CNTNAP5: variants seen among roughly 807,000 people sequenced by gnomAD.
CNTNAP5 encodes contactin-associated protein-like 5.
CNTNAP5 carries 72 observed loss-of-function variants against 150.2 expected under a neutral mutation model. The observed-to-expected ratio is 0.48, with a 90% CI of 0.40 to 0.58. The LOEUF is 0.58. Ranked by LOEUF, CNTNAP5 falls within the 20% of genes least tolerant of loss-of-function variation. The pLI is 0.00. For missense variants in CNTNAP5, 1,636 were observed against 1,626.2 expected (o/e 1.01, Z -0.10); for synonymous variants, 672 against 619.8 (o/e 1.08, Z -1.25).
chr2:124,546,455 A>G (rs1365009424), intron 10 of CNTNAP5, among the ~76,000 whole-genome samples: 1 of 152,040 alleles, frequency 6.6e-6, no homozygotes, highest in African/African-American at 2.4e-5. Flanking sequence ...CAAGTTTACA[A>G]ACGTATATGA....
intron 3 of CNTNAP5, among the ~76,000 whole-genome samples, chr2:124,306,719 C>CTTTTTTTT (rs762901729): frequency 3.9e-4 from 25 of 64,342 alleles, no homozygotes; most frequent in African/African-American, 1.2e-3. Context: ...CTCTCTCTTT[C>CTTTTTTTT]TTTTTTTTTT....
At chr2:124,497,258 A>G (rs551953413) in intron 7 of CNTNAP5, among the ~76,000 whole-genome samples, 2 of 152,314 alleles carry the variant, frequency 1.3e-5, no homozygotes, top group East Asian at 1.9e-4. Context: ...AAGGAGTCCA[A>G]AAGGAATGTG....
intron 1 of CNTNAP5, among the ~76,000 whole-genome samples, chr2:124,044,815 A>G (rs1681480942): frequency 6.6e-6 from 1 of 151,608 alleles, no homozygotes; most frequent in African/African-American, 2.4e-5. Flanking sequence ...GGTTGACCTT[A>G]TCTCAGAAAC....
At chr2:124,330,468 T>C (rs757114350) in intron 3 of CNTNAP5, among the ~76,000 whole-genome samples, 1 of 152,150 alleles carries the variant, frequency 6.6e-6, no homozygotes, top group Non-Finnish European at 1.5e-5. Flanking sequence ...AATGGAGTCA[T>C]GGGGGTGGTT....
chr2:124,149,571 C>T (rs1684353749), intron 1 of CNTNAP5, among the ~76,000 whole-genome samples: 1 of 152,106 alleles, frequency 6.6e-6, no homozygotes, highest in Non-Finnish European at 1.5e-5. Flanking sequence ...TGCATTACTT[C>T]TCTTTAGCTA....
At position 124,720,989 on chromosome 2, in the gene CNTNAP5, A is replaced by G. The variant is rs115398817; in HGVS notation, c.2078-26240A>G. Among the ~76,000 whole-genome samples the G allele has an allele frequency of 8.1e-3, 1,231 of 152,164 alleles. 20 individuals are homozygous for G. Among genetic ancestry groups the G allele is most frequent in the African/African-American group, 0.029 (1,195 of 41,512 alleles). On this transcript the variant is annotated intron_variant, in intron 13 of 23. Coordinates refer to ENST00000682447, the MANE Select transcript of CNTNAP5 (RefSeq NM_001367498.1). ...AATGCTGGTCCATGCTCTTTGGCAC[A>G]TTCCTCTGCTTCTGTTTCCATCTTT... is the stretch of plus-strand genomic sequence containing the variant.
intron 1 of CNTNAP5, among the ~76,000 whole-genome samples, chr2:124,133,334 C>T (rs772096144): frequency 1.3e-5 from 2 of 152,092 alleles, no homozygotes; most frequent in Non-Finnish European, 2.9e-5. Context: ...TATGAGAGTC[C>T]CTATAGCTTC....
intron 3 of CNTNAP5, among the ~76,000 whole-genome samples, chr2:124,297,413 T>C (rs556619851): frequency 6.6e-6 from 1 of 152,324 alleles, no homozygotes; most frequent in South Asian, 2.1e-4. Flanking sequence ...ATCTTTACAC[T>C]GAATTGCTTT....
chr2:124,748,173 T>G (rs979702574), intron 14 of CNTNAP5, among the ~76,000 whole-genome samples: 1 of 152,164 alleles, frequency 6.6e-6, no homozygotes, highest in Non-Finnish European at 1.5e-5. Flanking sequence ...AAATGTATAT[T>G]TATTAAGCAT....
chr2:124,060,896 A>T (rs890216039), intron 1 of CNTNAP5, among the ~76,000 whole-genome samples: 1 of 152,178 alleles, frequency 6.6e-6, no homozygotes, highest in Non-Finnish European at 1.5e-5. Flanking sequence ...TGGAAATTTT[A>T]TGACAGAAAA....
intron 3 of CNTNAP5, among the ~76,000 whole-genome samples, chr2:124,362,800 A>T (rs1690252234): frequency 1.3e-5 from 2 of 152,218 alleles, no homozygotes; most frequent in African/African-American, 4.8e-5. Flanking sequence ...ACTGCTTAAC[A>T]ATGGATTTTA....
chr2:124,632,409 C>T (rs373494858), intron 12 of CNTNAP5, among the ~76,000 whole-genome samples: 34 of 152,006 alleles, frequency 2.2e-4, no homozygotes, highest in African/African-American at 7.5e-4. Context: ...TGCAGGGACA[C>T]GAATGAAGCT....
intron 1 of CNTNAP5, among the ~76,000 whole-genome samples, chr2:124,106,963 C>G (rs1026904032): frequency 2.6e-5 from 4 of 152,116 alleles, no homozygotes; most frequent in African/African-American, 9.7e-5. Context: ...GAAAAAAAAC[C>G]CAGACATTTG....
At chr2:124,706,507 G>A (rs747486272) in intron 13 of CNTNAP5, among the ~76,000 whole-genome samples, 2 of 152,030 alleles carry the variant, frequency 1.3e-5, no homozygotes, top group Non-Finnish European at 2.9e-5. Flanking sequence ...AGAACTTTGG[G>A]AGGCCGAGGC....
chr2:124,346,443 C>G (rs1241889959), intron 3 of CNTNAP5, among the ~76,000 whole-genome samples: 2 of 152,026 alleles, frequency 1.3e-5, no homozygotes, highest in Non-Finnish European at 2.9e-5. Flanking sequence ...AATGAACATA[C>G]CAGTTAGCAA....
At chr2:124,705,086 T>C (rs975643451) in intron 13 of CNTNAP5, among the ~76,000 whole-genome samples, 6 of 151,968 alleles carry the variant, frequency 3.9e-5, no homozygotes, top group African/African-American at 1.4e-4. Context: ...TTATGCAACA[T>C]ATATATAGTT....
At chr2:124,624,341 G>A (rs1022781973) in intron 12 of CNTNAP5, among the ~76,000 whole-genome samples, 4 of 152,284 alleles carry the variant, frequency 2.6e-5, no homozygotes, top group Middle Eastern at 3.4e-3. Flanking sequence ...GGAGGCTCAG[G>A]TGATTGCAGT....
intron 3 of CNTNAP5, among the ~76,000 whole-genome samples, chr2:124,346,916 C>CAAAAAAAA: frequency 9.2e-6 from 1 of 109,058 alleles, no homozygotes; most frequent in Non-Finnish European, 1.8e-5. Context: ...ATTAAAAATA[C>CAAAAAAAA]AAAAAAAAAA....
intron 11 of CNTNAP5, among the ~76,000 whole-genome samples, chr2:124,581,483 T>C (rs1696410933): frequency 6.6e-6 from 1 of 152,222 alleles, no homozygotes; most frequent in Admixed American, 6.5e-5. Context: ...TTCAATTTTC[T>C]AGCACGACAA....
Sources: gnomAD v4.1 joint callset for allele counts (sites outside exome capture counted in the v4.1 genomes callset) on GRCh38, gnomAD v4.1.1 for gene constraint, MANE v1.5 for transcripts, NCBI Gene and HGNC (gene_info 2026-07-23, HGNC 2026-07-21) for gene names.